IQCM: variants seen among roughly 807,000 people sequenced by gnomAD.
IQCM encodes the protein IQ motif containing M, also known as IQ domain-containing protein M.
In IQCM, 45 loss-of-function variants were observed where a neutral mutation model predicts 57.6. The ratio of observed to expected loss-of-function variants is 0.78; its 90% confidence interval spans 0.62 to 1.00. IQCM has a LOEUF of 1.00. IQCM is among the 50% of genes least tolerant of loss of function. The pLI, the probability that IQCM is intolerant of heterozygous loss-of-function variation, is 0.00. For synonymous variants in IQCM, 148 were observed against 158.9 expected (o/e 0.93, Z 0.51); for missense variants, 468 against 511.6 (o/e 0.91, Z 0.82).
chr4:149,360,830 A>T (rs1432109443), intron 13 of IQCM, among the ~76,000 whole-genome samples: 1 of 152,196 alleles, frequency 6.6e-6, no homozygotes, highest in Non-Finnish European at 1.5e-5. Context: ...TGGTACCAGC[A>T]GAGTGGGGCA....
chr4:149,671,192 C>A (rs1761245238), intron 7 of IQCM, among the ~76,000 whole-genome samples: 1 of 152,128 alleles, frequency 6.6e-6, no homozygotes, highest in Admixed American at 6.5e-5. Flanking sequence ...GATTCAACTT[C>A]TTCCTGGTTT....
intron 13 of IQCM, among the ~76,000 whole-genome samples, chr4:149,359,757 C>T (rs1244943847): frequency 6.6e-6 from 1 of 152,146 alleles, no homozygotes; most frequent in East Asian, 1.9e-4. Context: ...GCAAATTCCA[C>T]AACTTATTCA....
intron 7 of IQCM, among the ~76,000 whole-genome samples, chr4:149,639,685 C>G (rs569953624): frequency 3.3e-5 from 5 of 152,170 alleles, no homozygotes; most frequent in Non-Finnish European, 7.4e-5. Context: ...CTTTGGGAGG[C>G]TGAGGTGGGT....
At chr4:149,415,853 G>A (rs1385607038) in intron 13 of IQCM, among the ~76,000 whole-genome samples, 2 of 152,008 alleles carry the variant, frequency 1.3e-5, no homozygotes, top group African/African-American at 2.4e-5. Context: ...AAGCCTGCTA[G>A]TACACACTTG....
chr4:149,653,382 C>T (rs115381938), intron 7 of IQCM, among the ~76,000 whole-genome samples: 7,438 of 152,204 alleles, frequency 0.049, 390 homozygotes, highest in African/African-American at 0.14. Flanking sequence ...CTTCTAAAGG[C>T]AAGGTCCTGT....
chr4:149,404,525 G>A (rs1222511465), intron 13 of IQCM, among the ~76,000 whole-genome samples: 1 of 152,030 alleles, frequency 6.6e-6, no homozygotes, highest in Non-Finnish European at 1.5e-5. Context: ...GAGATATTAT[G>A]AAAAGTTTCA....
At chr4:149,582,639 T>G (rs770896181) in intron 9 of IQCM, among the ~76,000 whole-genome samples, 18 of 151,354 alleles carry the variant, frequency 1.2e-4, no homozygotes, top group Non-Finnish European at 2.4e-4. Flanking sequence ...TAGTAGAAAA[T>G]CTTTAAGTTT....
chr4:149,676,740 T>C (rs2150191777), intron 7 of IQCM, among the ~76,000 whole-genome samples: 1 of 152,164 alleles, frequency 6.6e-6, no homozygotes, highest in South Asian at 2.1e-4. Context: ...AGCAAACGGA[T>C]AGAAATCATA....
chr4:149,738,400 C>A (rs1394050), intron 3 of IQCM, among the ~76,000 whole-genome samples: 6 of 152,202 alleles, frequency 3.9e-5, no homozygotes, highest in Non-Finnish European at 7.4e-5. Flanking sequence ...AATTAGCTTT[C>A]GACAGAGGAG....
At chr4:149,581,393 C>T (rs1398767858) in intron 9 of IQCM, among the ~76,000 whole-genome samples, 3 of 151,334 alleles carry the variant, frequency 2.0e-5, no homozygotes, top group African/African-American at 4.9e-5. Context: ...GTAGTTATTA[C>T]ACTATTTTAT....
intron 7 of IQCM, among the ~76,000 whole-genome samples, chr4:149,655,493 T>C (rs1315682653): frequency 6.6e-6 from 1 of 152,150 alleles, no homozygotes; most frequent in Non-Finnish European, 1.5e-5. Flanking sequence ...GCAAGATGTG[T>C]TTTCAGATAA....
At chr4:149,729,799 G>A (rs1348997284) in intron 5 of IQCM, among the ~76,000 whole-genome samples, 4 of 152,184 alleles carry the variant, frequency 2.6e-5, no homozygotes, top group South Asian at 4.2e-4. Flanking sequence ...CTGAGATAAC[G>A]GGCTGTGTGG....
chr4:149,465,815 A>G (rs1738800343), intron 12 of IQCM, among the ~76,000 whole-genome samples: 1 of 151,790 alleles, frequency 6.6e-6, no homozygotes, highest in African/African-American at 2.4e-5. Context: ...ACTGGAATGG[A>G]GAAAAAAAAA....
At chr4:149,771,569 T>C (rs971444942) in intron 2 of IQCM, among the ~76,000 whole-genome samples, 3 of 152,124 alleles carry the variant, frequency 2.0e-5, no homozygotes, top group African/African-American at 7.2e-5. Context: ...TCCACATCTT[T>C]ACTTCTTGGT....
Position 149,573,659 on chromosome 4 carries a change from G to C in IQCM, c.750-9769C>G, listed in dbSNP as rs138489372. The stretch of plus-strand genomic sequence containing the variant: ...CTTCAAAATAGTATTGTTAGGGATG[G>C]AGGCAGTGATGTGCACCTGTAGTCT... On this transcript the variant is annotated intron_variant, in intron 9 of 13. Coordinates refer to ENST00000636793, the MANE Select transcript of IQCM (RefSeq NM_001363507.2). Among the ~76,000 whole-genome samples the C allele has an allele frequency of 2.7e-3, 411 of 151,638 alleles. 1 individual carries two copies. Among genetic ancestry groups the C allele is most frequent in the Admixed American group, 5.8e-3 (88 of 15,188 alleles).
chr4:149,501,845 C>T (rs1007436992), intron 12 of IQCM, among the ~76,000 whole-genome samples: 1 of 151,994 alleles, frequency 6.6e-6, no homozygotes, highest in Non-Finnish European at 1.5e-5. Flanking sequence ...ATGAATGGAG[C>T]AGCAGCAGAT....
intron 5 of IQCM, among the ~76,000 whole-genome samples, chr4:149,689,132 C>T (rs1293650370): frequency 2.0e-5 from 3 of 151,980 alleles, no homozygotes; most frequent in Non-Finnish European, 4.4e-5. Flanking sequence ...TGGCACTGTT[C>T]ACAATAGCAA....
intron 13 of IQCM, among the ~76,000 whole-genome samples, chr4:149,375,414 C>T (rs918415270): frequency 6.6e-6 from 1 of 152,100 alleles, no homozygotes; most frequent in African/African-American, 2.4e-5. Flanking sequence ...ATGATCAAAT[C>T]AGAGAAGTCT....
intron 13 of IQCM, among the ~76,000 whole-genome samples, chr4:149,382,395 T>G (rs1450991976): frequency 6.6e-6 from 1 of 152,170 alleles, no homozygotes; most frequent in South Asian, 2.1e-4. Context: ...TCTGTGTAGA[T>G]TTCTCTTCCA....
Sources: gnomAD v4.1 joint callset for allele counts (sites outside exome capture counted in the v4.1 genomes callset) on GRCh38, gnomAD v4.1.1 for gene constraint, MANE v1.5 for transcripts, NCBI Gene and HGNC (gene_info 2026-07-23, HGNC 2026-07-21) for gene names.